BCKDHB: variants seen among roughly 807,000 people sequenced by gnomAD.
The protein encoded by BCKDHB is 2-oxoisovalerate dehydrogenase subunit beta, mitochondrial.
BCKDHB carries 41 observed loss-of-function variants against 48.5 expected under a neutral mutation model. The observed-to-expected ratio is 0.85, with a 90% CI of 0.66 to 1.10. The LOEUF (loss-of-function observed/expected upper bound fraction) is 1.10. Among genes scored for constraint, BCKDHB ranks in the 50% least tolerant of loss-of-function variants. The pLI is 0.00. For synonymous variants in BCKDHB, 201 were observed against 174.8 expected, an observed-to-expected ratio of 1.15 and a Z score of -1.18; for missense variants, 496 against 494.2, an observed-to-expected ratio of 1.00 and a Z score of -0.03.
intron 8 of BCKDHB, among the ~76,000 whole-genome samples, chr6:80,222,285 A>G (rs1280710540): frequency 1.3e-5 from 2 of 152,222 alleles, no homozygotes; most frequent in African/African-American, 4.8e-5. Context: ...AAAGCTGGCA[A>G]ATCACTGTTG....
chr6:80,292,444 G>A (rs1056239448), intron 9 of BCKDHB, among the ~76,000 whole-genome samples: 14 of 151,958 alleles, frequency 9.2e-5, no homozygotes, highest in East Asian at 1.9e-4. Context: ...CCATCAGATC[G>A]CGTGAGACTT....
the BCKDHB span, among the ~76,000 whole-genome samples, chr6:80,433,470 C>T: frequency 7.2e-5 from 11 of 152,096 alleles, no homozygotes; most frequent in Admixed American, 5.2e-4. Context: ...AGGGGAAAAC[C>T]GCCTACTCGA....
chr6:80,449,044 C>A, the BCKDHB span, among the ~76,000 whole-genome samples: 1 of 152,144 alleles, frequency 6.6e-6, no homozygotes, highest in African/African-American at 2.4e-5. Context: ...CAATTAGTAC[C>A]TAATCCTCAA....
At chr6:80,383,731 A>C in the BCKDHB span, among the ~76,000 whole-genome samples, 1 of 152,268 alleles carries the variant, frequency 6.6e-6, no homozygotes, top group Non-Finnish European at 1.5e-5. Context: ...ATAAAATTGC[A>C]GTATCTTTCC....
intron 1 of BCKDHB, among the ~76,000 whole-genome samples, chr6:80,112,990 C>T (rs193271670): frequency 3.7e-4 from 57 of 152,252 alleles, no homozygotes; most frequent in African/African-American, 4.8e-4. Flanking sequence ...TGATAGGAAC[C>T]GGAGGTGGGT....
intron 6 of BCKDHB, among the ~76,000 whole-genome samples, chr6:80,186,787 G>A (rs943776094): frequency 1.3e-5 from 2 of 152,180 alleles, no homozygotes; most frequent in Non-Finnish European, 2.9e-5. Flanking sequence ...CCTACAGGGC[G>A]CTTCCCGCTC....
At chr6:80,374,407 T>G in the BCKDHB span, 5 of 786,624 alleles carry the variant, frequency 6.4e-6, no homozygotes, top group Non-Finnish European at 1.2e-5. Flanking sequence ...ACGCACCGTT[T>G]CTGTAAAGTG....
At chr6:80,150,550 C>CTTTTTTTTT (rs758701261) in intron 3 of BCKDHB, among the ~76,000 whole-genome samples, 11 of 105,472 alleles carry the variant, frequency 1.0e-4, no homozygotes, top group Non-Finnish European at 1.6e-4. Context: ...AGTTTGTCAT[C>CTTTTTTTTT]TTTTTTTTTT....
the BCKDHB span, among the ~76,000 whole-genome samples, chr6:80,398,558 G>A: frequency 1.3e-5 from 2 of 151,716 alleles, no homozygotes; most frequent in South Asian, 4.2e-4. Flanking sequence ...GACCAACAGT[G>A]AGCTCCAAAA....
chr6:80,324,628 C>G (rs1582570101), intron 9 of BCKDHB, among the ~76,000 whole-genome samples: 1 of 152,168 alleles, frequency 6.6e-6, no homozygotes, highest in East Asian at 1.9e-4. Context: ...GATGAACATG[C>G]ATTTGGCAAA....
chr6:80,414,542 T>C, the BCKDHB span, among the ~76,000 whole-genome samples: 1 of 152,052 alleles, frequency 6.6e-6, no homozygotes, highest in Non-Finnish European at 1.5e-5. Context: ...TGCCTATTGC[T>C]TGTATTTGTC....
the BCKDHB span, among the ~76,000 whole-genome samples, chr6:80,410,470 T>A: frequency 6.6e-6 from 1 of 152,194 alleles, no homozygotes; most frequent in Non-Finnish European, 1.5e-5. Context: ...GTTCTCTATA[T>A]TTCCTGAATT....
At chr6:80,169,713 TGA>T in intron 5 of BCKDHB, 1 of 1,131,484 alleles carries the variant, frequency 8.8e-7, no homozygotes, top group South Asian at 1.7e-5. Flanking sequence ...CATAGATGTG[TGA>T]ATCCAGAGAT....
intron 3 of BCKDHB, among the ~76,000 whole-genome samples, chr6:80,161,213 A>T (rs1051940455): frequency 6.6e-6 from 1 of 152,230 alleles, no homozygotes. Context: ...TTTAAAAGAT[A>T]GGAATTTCAA....
chr6:80,201,989 C>T (rs1320751399), intron 7 of BCKDHB, among the ~76,000 whole-genome samples: 2 of 152,080 alleles, frequency 1.3e-5, no homozygotes, highest in African/African-American at 2.4e-5. Flanking sequence ...AGTGGGGTAA[C>T]TCTGCTGCTT....
At chr6:80,336,931 G>C (rs938941703) in intron 9 of BCKDHB, among the ~76,000 whole-genome samples, 1 of 152,026 alleles carries the variant, frequency 6.6e-6, no homozygotes, top group Non-Finnish European at 1.5e-5. Context: ...CCATGCTCTT[G>C]AAAAATTGGG....
At chr6:80,245,789 G>A (rs1776585404) in intron 8 of BCKDHB, among the ~76,000 whole-genome samples, 1 of 152,044 alleles carries the variant, frequency 6.6e-6, no homozygotes, top group Non-Finnish European at 1.5e-5. Context: ...AGAAATAAAA[G>A]AGAGGGCCGG....
At chr6:80,266,613 G>A (rs1167788509) in intron 8 of BCKDHB, among the ~76,000 whole-genome samples, 1 of 151,958 alleles carries the variant, frequency 6.6e-6, no homozygotes, top group African/African-American at 2.4e-5. Context: ...AGCATGTATT[G>A]TACTGCGAAC....
chr6:80,265,343 A>G (rs199777400), intron 8 of BCKDHB, among the ~76,000 whole-genome samples: 12 of 152,144 alleles, frequency 7.9e-5, no homozygotes, highest in Non-Finnish European at 1.8e-4. Flanking sequence ...AAAATGTGAT[A>G]TATACATACA....
Sources: gnomAD v4.1 joint callset for allele counts (sites outside exome capture counted in the v4.1 genomes callset) on GRCh38, gnomAD v4.1.1 for gene constraint, MANE v1.5 for transcripts, NCBI Gene and HGNC (gene_info 2026-07-23, HGNC 2026-07-21) for gene names.